Variants in EMC9 observed in about 807,000 individuals in gnomAD.
EMC9 encodes UPF0172 protein FAM158A.
EMC9 carries 20 observed loss-of-function variants against 25.0 expected under a neutral mutation model. The observed-to-expected ratio is 0.80, with a 90% CI of 0.56 to 1.16. The LOEUF (loss-of-function observed/expected upper bound fraction) is 1.16, where lower values mean the gene tolerates loss of function less well. Ranked by LOEUF, EMC9 falls within the 50% of genes most tolerant of loss-of-function variation. The probability of loss-of-function intolerance (pLI) is 0.00; values close to 1 mark genes in which losing one functional copy is unlikely to be tolerated. For synonymous variants in EMC9, 100 were observed against 107.0 expected, an observed-to-expected ratio of 0.93 and a Z score of 0.40; for missense variants, 256 against 268.7, an observed-to-expected ratio of 0.95 and a Z score of 0.33.
rs1364745094 is a variant in EMC9, at chr14:24,139,564, G to A, written c.326C>T (p.Pro109Leu). Residue 109 changes from proline to leucine, a missense_variant, in exon 4 of 6, where the codon CCT becomes CTT. Coordinates refer to ENST00000216799, the MANE Select transcript of EMC9 (RefSeq NM_016049.4). This position sits in a 1 kb window ranked among gnomAD's most constrained non-coding sequence, Gnocchi z 4.6. ...KIAGRIAEFF[P>L]DAVLIMLDNQ... ...CCTCACCATAATAAGTACTGCATCA[G>A]GGAAGAATTCTGCAATTCGCCCAGC... 6.2e-7 allele frequency: 1 copy of A among 1,614,038 alleles called. No homozygotes were observed. The highest frequency in any genetic ancestry group is 1.1e-5 in the South Asian group (1 of 91,058).
At chr14:24,140,687 T>C (rs2038033208) in intron 3 of EMC9, among the ~76,000 whole-genome samples, 2 of 152,026 alleles carry the variant, frequency 1.3e-5, no homozygotes, top group African/African-American at 4.8e-5. Context: ...CATCTTTATA[T>C]TCCCTCACTC....
In EMC9 at chr14:24,139,605, G is replaced by A. The variant is rs2139053106; in HGVS notation, c.285C>T (p.Pro95=). The change falls in exon 4 of 6, where the codon CCC becomes CCT. Residue 95 remains proline, a synonymous_variant. Transcript: ENST00000216799. The surrounding 1 kb of genome is among the most constrained non-coding windows in gnomAD (Gnocchi z 4.6). ...NAAVNDQSPG[P]LALKIAGRIA... ...TTCGCCCAGCAATTTTCAAGGCCAG[G>A]GGCCCAGGGCTGTGTAGAGGGAAGA... 6.2e-7 allele frequency: 1 copy of A among 1,613,948 alleles called. No individual in the cohort carries two copies. Among genetic ancestry groups the A allele is most frequent in the Non-Finnish European group, 8.5e-7 (1 of 1,179,926 alleles).
At position 24,139,417 on chromosome 14, in the gene EMC9, G is replaced by T; in HGVS notation, c.383C>A (p.Pro128His). The T allele has an allele frequency of 6.2e-7, 1 of 1,614,144 alleles. No homozygotes were observed. Residue 128 changes from proline to histidine, a missense_variant, in exon 5 of 6, where the codon CCC becomes CAC. Transcript: ENST00000216799. This position sits in a 1 kb window ranked among gnomAD's most constrained non-coding sequence, Gnocchi z 4.6. ...NQKLVPQPRV[P>H]PVIVLENQGL... Reference sequence around the variant, plus strand: ...TTGGTTCTCCAGGACGATGACCGGGGGCACACGAGGCTGAGGCACCAGTTT... The same window carrying T: ...TTGGTTCTCCAGGACGATGACCGGGTGCACACGAGGCTGAGGCACCAGTTT...
In EMC9 at chr14:24,141,283, C is replaced by A. The variant is rs775745075; in HGVS notation, c.22G>T (p.Ala8Ser). 1.2e-6 allele frequency: 2 copies of A among 1,611,926 alleles called. No homozygotes were observed. Among genetic ancestry groups the A allele is most frequent in the South Asian group, 2.2e-5 (2 of 90,996 alleles). MGEVEISALAYVKMCLHA... is the reference protein window; with the variant it reads MGEVEISSLAYVKMCLHA... Reference sequence around the variant, plus strand: ...AGGCACATCTTCACGTAGGCCAGGGCCGAGATCTCCACCTCCCCCATGGCG... The same window carrying A: ...AGGCACATCTTCACGTAGGCCAGGGACGAGATCTCCACCTCCCCCATGGCG... The change falls in exon 2 of 6, where the codon GCC (alanine) becomes TCC (serine). Residue 8 changes from alanine (A) to serine (S), a missense_variant. By Grantham distance (99) the Ala-to-Ser change is moderately conservative. Transcript: ENST00000216799.
chr14:24,138,965 T>G lies in EMC9; in HGVS notation c.*45A>C. On this transcript the variant is annotated 3_prime_UTR_variant, in exon 6 of 6. Coordinates refer to ENST00000216799, the MANE Select transcript of EMC9 (RefSeq NM_016049.4). ...ATAAATATAGTTATACCACTGCCCA[T>G]CAGCCCAAGTCTCTTTATTGGAACC... 1 of 1,606,924 alleles carries G rather than the reference T, an allele frequency of 6.2e-7. No individual in the cohort carries two copies. Among genetic ancestry groups the G allele is most frequent in the East Asian group, 2.2e-5 (1 of 44,780 alleles).
At position 24,141,586 on chromosome 14, in the gene EMC9, G is replaced by GA; in HGVS notation, c.-162dup. 1.7e-6 allele frequency: 1 copy of GA among 573,762 alleles called. No individual in the cohort carries two copies. Among genetic ancestry groups the GA allele is most frequent in the Non-Finnish European group, 3.1e-6 (1 of 320,124 alleles). The allele number at this position is 573,762 out of a possible 1,614,324, so 35.5% of individuals were successfully genotyped here. A position where few individuals can be genotyped will look rare whatever the true frequency, so the allele number is the denominator to read the frequency against. ...TCCCGCGCCCCTAGCTGGCGGCCGC[G>GA]ACTCTGCGCCTGCCTGGGAGACAGA... On this transcript the variant is annotated 5_prime_UTR_variant, in exon 1 of 6. Coordinates refer to ENST00000216799, the MANE Select transcript of EMC9 (RefSeq NM_016049.4).
chr14:24,140,812 A>G, intron 3 of EMC9, 77 bp downstream of exon 3: 1 of 1,053,148 alleles, frequency 9.5e-7, no homozygotes, highest in South Asian at 1.5e-5. Context: ...CCACCGCCCC[A>G]CGCATCCTCG....
chr14:24,141,361 C>A (rs991221757), intron 1 of EMC9, 45 bp from the exon 2 acceptor site: 1 of 1,585,782 alleles, frequency 6.3e-7, no homozygotes, highest in Non-Finnish European at 8.6e-7. Flanking sequence ...ATTAGGCGAG[C>A]CGGTGCCTAG....
chr14:24,140,975 G>A lies in EMC9; in HGVS notation c.199-10C>T, dbSNP rs1260134770. On this transcript the variant is annotated splice_polypyrimidine_tract_variant and intron_variant, in intron 2 of 5. Coordinates refer to ENST00000216799, the MANE Select transcript of EMC9 (RefSeq NM_016049.4). ...CTCCCCACACATCCACCTGTCGTAGGAAAGGGGCCATCAGTAATTAAATTG... is the reference window on the plus strand; with the variant it reads ...CTCCCCACACATCCACCTGTCGTAGAAAAGGGGCCATCAGTAATTAAATTG... 3.1e-6 allele frequency: 5 copies of A among 1,614,128 alleles called. No individual in the cohort carries two copies. In the African/African-American group the frequency reaches 6.7e-5, roughly 22 times the overall value.
At position 24,141,478 on chromosome 14, in the gene EMC9, C is replaced by T; in HGVS notation, c.-53G>A. On this transcript the variant is annotated 5_prime_UTR_variant, in exon 1 of 6. Coordinates refer to ENST00000216799, the MANE Select transcript of EMC9 (RefSeq NM_016049.4). ...ACGCTAACTCGACTCGCAGGTAGCC[C>T]GCCGGCTCCCGGCGCCCTGGGTCCC... The T allele has an allele frequency of 1.5e-5, 11 of 713,230 alleles. No individual in the cohort carries two copies. Among genetic ancestry groups the T allele is most frequent in the South Asian group, 1.4e-4 (8 of 55,960 alleles). 44.2% of individuals were successfully genotyped at this position (713,230 alleles called of 1,614,324 possible).
In EMC9 at chr14:24,141,517, G is replaced by A. The variant is rs898342174; in HGVS notation, c.-92C>T. 117 of 616,796 alleles carry A rather than the reference G, an allele frequency of 1.9e-4. No individual in the cohort carries two copies. The highest frequency in any genetic ancestry group is 3.0e-4 in the Non-Finnish European group (105 of 348,790). The allele number at this position is 616,796 out of a possible 1,614,324, so 38.2% of individuals were successfully genotyped here. Reference sequence around the variant, plus strand: ...GCCCTGGGTCCCGGAGTCCGCCCCCGGCCCAGTCCAGGAGGAGGTCCCGAT... The same window carrying A: ...GCCCTGGGTCCCGGAGTCCGCCCCCAGCCCAGTCCAGGAGGAGGTCCCGAT... On this transcript the variant is annotated 5_prime_UTR_variant, in exon 1 of 6. Transcript: ENST00000216799.
chr14:24,139,725 T>C lies in EMC9; in HGVS notation c.276-111A>G. The C allele has an allele frequency of 6.5e-7, 1 of 1,550,052 alleles. No individual in the cohort carries two copies. The highest frequency in any genetic ancestry group is 8.7e-7 in the Non-Finnish European group (1 of 1,146,126). ...TGTGGGCGCAGCTGTGGCCTTTCCC[T>C]GTAGGTGGCCTGCGGGGATCGGGCC... On this transcript the variant is annotated intron_variant, in intron 3 of 5. Coordinates refer to ENST00000216799, the MANE Select transcript of EMC9 (RefSeq NM_016049.4). This position sits in a 1 kb window ranked among gnomAD's most constrained non-coding sequence, Gnocchi z 4.6.
In EMC9 at chr14:24,139,421, C is replaced by T; in HGVS notation, c.379G>A (p.Val127Met). The T allele has an allele frequency of 6.2e-7, 1 of 1,614,166 alleles. No homozygotes were observed. Among genetic ancestry groups the T allele is most frequent in the Non-Finnish European group, 8.5e-7 (1 of 1,180,038 alleles). Residue 127 changes from valine to methionine, a missense_variant, in exon 5 of 6, where the codon GTG (valine) becomes ATG (methionine). Physicochemically the swap from Val to Met is conservative, Grantham distance 21. Transcript: ENST00000216799. This position sits in a 1 kb window ranked among gnomAD's most constrained non-coding sequence, Gnocchi z 4.6. ...DNQKLVPQPR[V>M]PPVIVLENQG... Reference sequence around the variant, plus strand: ...TTCTCCAGGACGATGACCGGGGGCACACGAGGCTGAGGCACCAGTTTCTGA... The same window carrying T: ...TTCTCCAGGACGATGACCGGGGGCATACGAGGCTGAGGCACCAGTTTCTGA...
At chr14:24,140,855 A>AG (rs762395253) in intron 3 of EMC9, 34 bp downstream of exon 3, 1 of 1,612,840 alleles carries the variant, frequency 6.2e-7, no homozygotes, top group South Asian at 1.1e-5. Context: ...ACCCGCCATA[A>AG]TCCTTTCCTT....
Position 24,139,669 on chromosome 14 carries a change from C to A in EMC9, c.276-55G>T. On this transcript the variant is annotated intron_variant, in intron 3 of 5. Transcript: ENST00000216799. The surrounding 1 kb of genome is among the most constrained non-coding windows in gnomAD (Gnocchi z 4.6). ...GAGCCAACTGTGGGCAAAACCCATC[C>A]ATTTGAGCTGGGCCTCCCAGGTCTC... The A allele has an allele frequency of 6.3e-7, 1 of 1,589,740 alleles. No individual in the cohort carries two copies. The highest frequency in any genetic ancestry group is 1.1e-5 in the South Asian group (1 of 87,806).
intron 3 of EMC9, 49 bp downstream of exon 3, chr14:24,140,840 C>A: frequency 7.3e-7 from 1 of 1,362,480 alleles, no homozygotes; most frequent in Non-Finnish European, 1.0e-6. Flanking sequence ...TTCCTCCAAT[C>A]CCCAACCCGC....
rs375652508 is a variant in EMC9, at chr14:24,141,098, C to T, written c.198+9G>A. 3.7e-6 allele frequency: 6 copies of T among 1,614,008 alleles called. No individual in the cohort carries two copies. Among genetic ancestry groups the T allele is most frequent in the Non-Finnish European group, 4.2e-6 (5 of 1,180,032 alleles). ...TTCGCGGTGGGGGATGGGCATCCAA[C>T]GGAGGCACCTGGTTGAGGGCGACCT... On this transcript the variant is annotated intron_variant, in intron 2 of 5. Transcript: ENST00000216799.
rs763978522 is a variant in EMC9, at chr14:24,141,103, G to T, written c.198+4C>A. On this transcript the variant is annotated splice_donor_region_variant and intron_variant, in intron 2 of 5. Coordinates refer to ENST00000216799, the MANE Select transcript of EMC9 (RefSeq NM_016049.4). ...GGTGGGGGATGGGCATCCAACGGAG[G>T]CACCTGGTTGAGGGCGACCTCCAAC... The T allele has an allele frequency of 6.2e-7, 1 of 1,614,020 alleles. No individual in the cohort carries two copies. The highest frequency in any genetic ancestry group is 1.1e-5 in the South Asian group (1 of 91,086).
Position 24,139,041 on chromosome 14 carries a change from A to G in EMC9, c.596T>C (p.Val199Ala), listed in dbSNP as rs1002144510. The G allele has an allele frequency of 6.2e-7, 1 of 1,613,656 alleles. No individual in the cohort carries two copies. Among genetic ancestry groups the G allele is most frequent in the Non-Finnish European group, 8.5e-7 (1 of 1,180,024 alleles). ...QRLNTQITQW[V>A]GPTNGNGNA ...ATTTCCATTTCCATTAGTGGGACCA[A>G]CCCACTGGGTGATTTGAGTGTTGAG... The change falls in exon 6 of 6, where the codon GTT becomes GCT. Residue 199 changes from valine (V) to alanine (A), a missense_variant. Coordinates refer to ENST00000216799, the MANE Select transcript of EMC9 (RefSeq NM_016049.4). The surrounding 1 kb of genome is among the most constrained non-coding windows in gnomAD (Gnocchi z 4.6).
Sources: gnomAD v4.1 joint callset for allele counts (sites outside exome capture counted in the v4.1 genomes callset) on GRCh38, gnomAD v4.1.1 for gene constraint, Gnocchi (gnomAD v3.1) non-coding constraint, MANE v1.5 for transcripts, NCBI Gene and HGNC (gene_info 2026-07-23, HGNC 2026-07-21) for gene names.